Variants in CCDC91 observed in about 807,000 individuals in gnomAD.
CCDC91 encodes the protein coiled-coil domain-containing protein 91.
In CCDC91, 48 loss-of-function variants were observed where a neutral mutation model predicts 63.2. The observed-to-expected ratio is 0.76, with a 90% CI of 0.60 to 0.97. The LOEUF is 0.97. Ranked by LOEUF, CCDC91 falls within the 50% of genes least tolerant of loss-of-function variation. The probability of loss-of-function intolerance (pLI) is 0.00; values close to 1 mark genes in which losing one functional copy is unlikely to be tolerated. For synonymous variants in CCDC91, 167 were observed against 165.8 expected, an observed-to-expected ratio of 1.01 and a Z score of -0.06; for missense variants, 500 against 494.6, an observed-to-expected ratio of 1.01 and a Z score of -0.10.
intron 3 of CCDC91, chr12:28,304,635 C>T: frequency 4.7e-6 from 6 of 1,263,406 alleles, no homozygotes; most frequent in Non-Finnish European, 6.2e-6. Flanking sequence ...GGGAAACATG[C>T]AATTTTCATT....
intron 8 of CCDC91, among the ~76,000 whole-genome samples, chr12:28,449,522 G>T (rs1328643424): frequency 6.6e-6 from 1 of 151,942 alleles, no homozygotes; most frequent in Non-Finnish European, 1.5e-5. Flanking sequence ...CAAGTGCTTG[G>T]TCCATGGTAA....
chr12:28,537,835 G>C (rs778713021), intron 12 of CCDC91, among the ~76,000 whole-genome samples: 1 of 152,192 alleles, frequency 6.6e-6, no homozygotes, highest in Non-Finnish European at 1.5e-5. Flanking sequence ...AAGGAGCACT[G>C]TTGATGATTT....
At chr12:28,265,074 C>T (rs1387684921) in intron 3 of CCDC91, among the ~76,000 whole-genome samples, 1 of 151,990 alleles carries the variant, frequency 6.6e-6, no homozygotes, top group Non-Finnish European at 1.5e-5. Flanking sequence ...AAAGTGTTGT[C>T]ATGTTGCCAT....
intron 8 of CCDC91, among the ~76,000 whole-genome samples, chr12:28,432,254 A>T (rs1948669858): frequency 6.6e-6 from 1 of 151,980 alleles, no homozygotes; most frequent in Non-Finnish European, 1.5e-5. Context: ...ACTAAAGGAC[A>T]TTGCTATGGT....
Position 28,307,717 on chromosome 12 carries a change from A to G in CCDC91, c.544A>G (p.Ile182Val), listed in dbSNP as rs141060795. The change falls in exon 6 of 13, where the codon ATT (isoleucine) becomes GTT (valine). Residue 182 changes from isoleucine to valine, a missense_variant. By Grantham distance (29) the Ile-to-Val change is conservative. Transcript: ENST00000536442. ...GFLKEKEQEA[I>V]SFQDRYKELQ... ...TCTAAAAGAAAAAGAGCAAGAGGCC[A>G]TTTCTTTTCAAGATAGATACAAAGA... 2.5e-6 allele frequency: 4 copies of G among 1,589,562 alleles called. No individual in the cohort carries two copies. Among genetic ancestry groups the G allele is most frequent in the East Asian group, 2.3e-5 (1 of 44,292 alleles).
At chr12:28,196,116 A>G (rs1342801112) in intron 1 of CCDC91, among the ~76,000 whole-genome samples, 1 of 152,172 alleles carries the variant, frequency 6.6e-6, no homozygotes, top group East Asian at 1.9e-4. Flanking sequence ...AGAGAAAACA[A>G]AATGAAACAA....
intron 3 of CCDC91, among the ~76,000 whole-genome samples, chr12:28,290,276 A>G (rs895794096): frequency 4.0e-5 from 6 of 151,496 alleles, no homozygotes; most frequent in Admixed American, 2.6e-4. Context: ...GTCTTTTTGG[A>G]TCTCTGTTGG....
At chr12:28,275,137 G>A (rs1410415629) in intron 3 of CCDC91, among the ~76,000 whole-genome samples, 24 of 152,116 alleles carry the variant, frequency 1.6e-4, no homozygotes, top group African/African-American at 5.5e-4. Context: ...AATTGAAGGC[G>A]ATAGAGACAC....
chr12:28,360,107 A>G (rs543057798), intron 6 of CCDC91, among the ~76,000 whole-genome samples: 1 of 152,318 alleles, frequency 6.6e-6, no homozygotes, highest in Non-Finnish European at 1.5e-5. Flanking sequence ...TGGATTTATA[A>G]TCCTACTAAC....
At chr12:28,233,199 TCTC>T (rs772198884) in intron 1 of CCDC91, among the ~76,000 whole-genome samples, 2 of 152,182 alleles carry the variant, frequency 1.3e-5, no homozygotes, top group South Asian at 2.1e-4. Context: ...AACATTTCGA[TCTC>T]CTCAGAGAAT....
intron 6 of CCDC91, among the ~76,000 whole-genome samples, chr12:28,329,556 TGACA>T (rs1941314766): frequency 1.3e-5 from 2 of 152,158 alleles, no homozygotes; most frequent in South Asian, 4.1e-4. Context: ...ACTGACTAAA[TGACA>T]GACATAGTGT....
chr12:28,417,511 T>G (rs947758992), intron 8 of CCDC91, among the ~76,000 whole-genome samples: 1 of 151,972 alleles, frequency 6.6e-6, no homozygotes, highest in African/African-American at 2.4e-5. Flanking sequence ...TGTTACCTTT[T>G]TTGTTTTAGT....
intron 6 of CCDC91, chr12:28,319,604 T>G (rs1940269196): frequency 6.4e-6 from 1 of 155,230 alleles, no homozygotes; most frequent in East Asian, 1.8e-4. Flanking sequence ...GTGCACATCC[T>G]CCTGTACACT....
intron 1 of CCDC91, among the ~76,000 whole-genome samples, chr12:28,216,584 G>A (rs995418128): frequency 1.3e-5 from 2 of 151,928 alleles, no homozygotes; most frequent in Non-Finnish European, 2.9e-5. Context: ...TTTGTATGTA[G>A]AGAAGTTGGG....
chr12:28,227,563 C>A (rs770041318), intron 1 of CCDC91, among the ~76,000 whole-genome samples: 2 of 152,036 alleles, frequency 1.3e-5, no homozygotes, highest in Non-Finnish European at 1.5e-5. Context: ...AATTATTCTA[C>A]ACCTCATCTA....
chr12:28,293,051 G>C (rs1431201913), intron 3 of CCDC91, among the ~76,000 whole-genome samples: 1 of 152,002 alleles, frequency 6.6e-6, no homozygotes. Flanking sequence ...TAAATAACAG[G>C]CAAAGAAAAG....
At chr12:28,428,284 T>C (rs900872572) in intron 8 of CCDC91, among the ~76,000 whole-genome samples, 3 of 151,938 alleles carry the variant, frequency 2.0e-5, no homozygotes, top group Non-Finnish European at 4.4e-5. Flanking sequence ...GAAATTCCCC[T>C]TTTTGGCCAC....
intron 6 of CCDC91, among the ~76,000 whole-genome samples, chr12:28,316,556 CTTTTTTTTT>C (rs67889099): frequency 3.5e-5 from 1 of 28,484 alleles, no homozygotes; most frequent in Middle Eastern, 0.021. Context: ...CAACTCACAC[CTTTTTTTTT>C]TTTTTTTTTT....
In CCDC91 at chr12:28,362,280, T is replaced by TTATATATATATA. The variant is rs71438746; in HGVS notation, c.577-154_577-143dup. Among the ~76,000 whole-genome samples, 20 of 131,712 alleles carry TTATATATATATA rather than the reference T, an allele frequency of 1.5e-4. 1 individual carries two copies. Among genetic ancestry groups the TTATATATATATA allele is most frequent in the Admixed American group, 3.0e-4 (4 of 13,324 alleles). 86.4% of individuals were successfully genotyped at this position (131,712 alleles called of 152,430 possible). Reference sequence around the variant, plus strand: ...TTCTCCAATGCTTTTAAGCAAAGCTTTATATATATATATATGTTTTCTCTT... The same window carrying TTATATATATATA: ...TTCTCCAATGCTTTTAAGCAAAGCTTTATATATATATATATATATATATATATGTTTTCTCTT... On this transcript the variant is annotated intron_variant, in intron 6 of 12. Transcript: ENST00000536442.
Sources: allele counts gnomAD v4.1 joint callset (sites outside exome capture counted in the v4.1 genomes callset), GRCh38; gene constraint gnomAD v4.1.1; transcripts MANE v1.5; gene names NCBI Gene and HGNC (gene_info 2026-07-23, HGNC 2026-07-21).